The following CCDC191 variants were observed in gnomAD, a reference collection of about 807,000 sequenced individuals.
The protein encoded by CCDC191 is coiled-coil domain-containing protein 191.
In CCDC191, 99 loss-of-function variants were observed where a neutral mutation model predicts 114.0. The ratio of observed to expected loss-of-function variants is 0.87; its 90% CI spans 0.74 to 1.03. The LOEUF (loss-of-function observed/expected upper bound fraction) is 1.03. Among genes scored for constraint, CCDC191 ranks in the 50% least tolerant of loss-of-function variants. The probability of loss-of-function intolerance (pLI) is 0.00; values close to 1 mark genes in which losing one functional copy is unlikely to be tolerated. For synonymous variants in CCDC191, 351 were observed against 376.0 expected, an observed-to-expected ratio of 0.93 and a Z score of 0.77; for missense variants, 973 against 1,087.0, an observed-to-expected ratio of 0.90 and a Z score of 1.47.
At chr3:114,000,166 G>A (rs1382562243) in intron 13 of CCDC191, among the ~76,000 whole-genome samples, 1 of 152,058 alleles carries the variant, frequency 6.6e-6, no homozygotes, top group Admixed American at 6.6e-5. Context: ...CTCTCGATAA[G>A]ATTAGCATTT....
At chr3:113,979,074 C>T (rs1454783896) in intron 14 of CCDC191, 64 bp from the exon 15 acceptor site, 19 of 1,466,308 alleles carry the variant, frequency 1.3e-5, no homozygotes, top group South Asian at 5.9e-5. Context: ...ACAAACACAT[C>T]ACCTTTGGAA....
intron 13 of CCDC191, among the ~76,000 whole-genome samples, chr3:113,982,860 A>C (rs921281570): frequency 1.5e-4 from 23 of 150,830 alleles, no homozygotes; most frequent in Non-Finnish European, 2.2e-4. Context: ...AAAAAAACAA[A>C]AAAAAAAAAA....
chr3:113,976,672 G>A lies in CCDC191; in HGVS notation c.2606+1514C>T, dbSNP rs945898719. ...AAAAAAAAGGTTAGTTATTATTTTG[G>A]GCCAAGCAGTGCATTGAGTGAGTTA... On this transcript the variant is annotated intron_variant, in intron 16 of 16. Transcript: ENST00000295878. 3.7e-4 allele frequency among the ~76,000 whole-genome samples: 56 copies of A among 151,948 alleles called. 1 individual carries two copies. Among genetic ancestry groups the A allele is most frequent in the Non-Finnish European group, 2.4e-4 (16 of 67,990 alleles).
At chr3:113,992,721 G>C (rs2075609590) in intron 13 of CCDC191, among the ~76,000 whole-genome samples, 1 of 151,802 alleles carries the variant, frequency 6.6e-6, no homozygotes, top group South Asian at 2.1e-4. Flanking sequence ...AAAACTTAAA[G>C]TATAATAAAA....
intron 7 of CCDC191, among the ~76,000 whole-genome samples, chr3:114,027,656 T>C (rs1357552095): frequency 2.0e-5 from 3 of 149,752 alleles, no homozygotes; most frequent in Admixed American, 2.0e-4. Flanking sequence ...CACAAACAAT[T>C]ACAGGAATTA....
chr3:113,989,081 C>A (rs1474631816), intron 13 of CCDC191, among the ~76,000 whole-genome samples: 3 of 152,194 alleles, frequency 2.0e-5, no homozygotes, highest in African/African-American at 7.2e-5. Context: ...CAGGCGTGAG[C>A]CACTGCCCCT....
At position 114,036,754 on chromosome 3, in the gene CCDC191, T is replaced by C. The variant is rs146492005; in HGVS notation, c.448A>G (p.Ser150Gly). 2.5e-6 allele frequency: 4 copies of C among 1,570,794 alleles called. No individual in the cohort carries two copies. Among genetic ancestry groups the C allele is most frequent in the Non-Finnish European group, 3.5e-6 (4 of 1,157,684 alleles). Reference protein sequence around the residue: ...LCGYLEEEEESTTVQKFIDHL... With the variant: ...LCGYLEEEEEGTTVQKFIDHL... ...TCTATAAATTTTTGAACGGTGGTAC[T>C]TTCCTCTTCTTCCTCCAAATAGCCA... Residue 150 changes from serine (S) to glycine (G), a missense_variant, in exon 5 of 17, where the codon AGT becomes GGT. By Grantham distance (56) the Ser-to-Gly change is moderately conservative. Transcript: ENST00000295878.
chr3:114,044,435 A>G (rs994733695), intron 3 of CCDC191, among the ~76,000 whole-genome samples: 2 of 152,254 alleles, frequency 1.3e-5, no homozygotes, highest in African/African-American at 4.8e-5. Context: ...ATTACTATCA[A>G]ACAGCTCTTT....
intron 6 of CCDC191, among the ~76,000 whole-genome samples, chr3:114,032,213 A>AAGAATC (rs1336375538): frequency 1.3e-5 from 2 of 152,190 alleles, no homozygotes; most frequent in East Asian, 3.8e-4. Flanking sequence ...GGAATAACAA[A>AAGAATC]AGAATCAGGT....
intron 13 of CCDC191, among the ~76,000 whole-genome samples, chr3:113,994,405 G>T (rs2075659813): frequency 6.6e-6 from 1 of 152,064 alleles, no homozygotes; most frequent in Non-Finnish European, 1.5e-5. Flanking sequence ...TGCTGATGAG[G>T]ATGTGCAACA....
chr3:114,050,741 T>C (rs2076689291), intron 2 of CCDC191, among the ~76,000 whole-genome samples: 1 of 152,180 alleles, frequency 6.6e-6, no homozygotes, highest in African/African-American at 2.4e-5. Context: ...TGCTAGAGGG[T>C]TGTCAATACT....
chr3:113,971,646 T>A (rs1195308503), intron 16 of CCDC191, among the ~76,000 whole-genome samples: 3 of 152,194 alleles, frequency 2.0e-5, no homozygotes, highest in African/African-American at 7.2e-5. Flanking sequence ...TTTCTTATCA[T>A]GTCCTTGTTT....
chr3:113,985,407 C>G lies in CCDC191; in HGVS notation c.2164-4614G>C, dbSNP rs577023260. Among the ~76,000 whole-genome samples, 5 of 152,220 alleles carry G rather than the reference C, an allele frequency of 3.3e-5. No individual in the cohort carries two copies. The South Asian group carries it at 8.3e-4, about 25-fold the overall frequency. ...CTATCTCACTTAGGGGTTGGGGAAG[C>G]CTTATTCTCCAGAGGGAAGGTCTTT... On this transcript the variant is annotated intron_variant, in intron 13 of 16. Coordinates refer to ENST00000295878, the MANE Select transcript of CCDC191 (RefSeq NM_020817.2).
intron 2 of CCDC191, among the ~76,000 whole-genome samples, chr3:114,048,237 T>C (rs759927434): frequency 6.6e-6 from 1 of 152,208 alleles, no homozygotes; most frequent in Non-Finnish European, 1.5e-5. Flanking sequence ...ATTGCTACCA[T>C]GTTGGTCCAA....
At chr3:114,015,394 T>C (rs942723401) in intron 8 of CCDC191, among the ~76,000 whole-genome samples, 1 of 152,132 alleles carries the variant, frequency 6.6e-6, no homozygotes, top group Non-Finnish European at 1.5e-5. Flanking sequence ...TGGCAGAAGA[T>C]TTTTCTAAAA....
At chr3:114,042,268 T>G (rs575908232) in intron 4 of CCDC191, among the ~76,000 whole-genome samples, 2 of 152,238 alleles carry the variant, frequency 1.3e-5, no homozygotes, top group Admixed American at 1.3e-4. Context: ...TGAAAAAAAT[T>G]AAAAATAACA....
rs1210208297 is a variant in CCDC191 at position 114,036,744 on chromosome 3, A to T, written c.458T>A (p.Val153Asp). 6.3e-7 allele frequency: 1 copy of T among 1,588,232 alleles called. No individual in the cohort carries two copies. The highest frequency in any genetic ancestry group is 1.2e-5 in the South Asian group (1 of 86,854). The change falls in exon 5 of 17, where the codon GTT becomes GAT. Residue 153 changes from valine (V) to aspartate (D), a missense_variant. Val to Asp is a radical substitution (Grantham distance 152). Transcript: ENST00000295878. ...GAGCAGATGGTCTATAAATTTTTGA[A>T]CGGTGGTACTTTCCTCTTCTTCCTC... ...YLEEEEESTT[V>D]QKFIDHLLHK...
chr3:113,971,098 G>C (rs915430238), intron 16 of CCDC191, among the ~76,000 whole-genome samples: 3 of 152,164 alleles, frequency 2.0e-5, no homozygotes, highest in Admixed American at 6.5e-5. Context: ...GGATGGGTGG[G>C]TCAAATGGTA....
At chr3:113,984,185 T>C (rs945770017) in intron 13 of CCDC191, 1 of 152,070 alleles carries the variant, frequency 6.6e-6, no homozygotes, top group South Asian at 2.1e-4. Context: ...AAGAAATATA[T>C]ATGATTGCCC....
Sources: allele counts gnomAD v4.1 joint callset (sites outside exome capture counted in the v4.1 genomes callset), GRCh38; gene constraint gnomAD v4.1.1; transcripts MANE v1.5; gene names NCBI Gene and HGNC (gene_info 2026-07-23, HGNC 2026-07-21).